The following CYP3A7 variants were observed in gnomAD, a reference collection of about 807,000 sequenced individuals.
The protein encoded by CYP3A7 is cytochrome P450 family 3 subfamily A member 7, also known as cytochrome P450 3A7.
CYP3A7 carries 45 observed loss-of-function variants against 55.2 expected under a neutral mutation model. The observed-to-expected ratio is 0.82, with a 90% CI of 0.64 to 1.05. The LOEUF (loss-of-function observed/expected upper bound fraction) is 1.05, where lower values mean the gene tolerates loss of function less well. CYP3A7 is among the 50% of genes least tolerant of loss of function. The pLI, the probability that CYP3A7 is intolerant of heterozygous loss-of-function variation, is 0.00. For synonymous variants in CYP3A7, 180 were observed against 207.4 expected (o/e 0.87, Z 1.13); for missense variants, 548 against 605.3 (o/e 0.91, Z 0.99).
chr7:99,713,679 G>C, intron 8 of CYP3A7, 144 bp from the exon 9 acceptor site: 2 of 1,085,372 alleles, frequency 1.8e-6, no homozygotes, highest in Admixed American at 4.2e-5. Flanking sequence ...AGTCACCAGT[G>C]AAAAGGAATA....
Position 99,735,089 on chromosome 7 carries a change from T to C in CYP3A7, c.5A>G (p.Asp2Gly), listed in dbSNP as rs569247020. 6.2e-7 allele frequency: 1 copy of C among 1,614,036 alleles called. No homozygotes were observed. Among genetic ancestry groups the C allele is most frequent in the East Asian group, 2.2e-5 (1 of 44,850 alleles). ...TTCCACGGCCAAGTTTGGGATGAGA[T>C]CCATCACTACTTTCCTTCCTTATCT... M[D>G]LIPNLAVETW... is the part of the protein sequence containing the mutation. Residue 2 changes from aspartate (D) to glycine (G), a missense_variant, in exon 1 of 13, where the codon GAT becomes GGT. Transcript: ENST00000336374.
At chr7:99,721,306 T>G (rs1351298969) in intron 3 of CYP3A7, among the ~76,000 whole-genome samples, 2 of 152,036 alleles carry the variant, frequency 1.3e-5, no homozygotes, top group Non-Finnish European at 2.9e-5. Flanking sequence ...ATAGAAAGTT[T>G]AAAAAAAAGA....
Position 99,705,550 on chromosome 7 carries a change from G to T in CYP3A7, c.1462C>A (p.Pro488Thr), listed in dbSNP as rs762252052. The change falls in exon 13 of 13, where the codon CCC becomes ACC. Residue 488 changes from proline to threonine, a missense_variant. Physicochemically the swap from Pro to Thr is conservative, Grantham distance 38. Coordinates refer to ENST00000336374, the MANE Select transcript of CYP3A7 (RefSeq NM_000765.5). The stretch of plus-strand genomic sequence containing the variant: ...CTTGACTCAGCCTTTAGAACAATGG[G>T]TTTTTCTGTTAGAAGAAGTCCTCCA... ...RFGGLLLTEK[P>T]IVLKAESRDE... 2 of 1,613,500 alleles carry T rather than the reference G, an allele frequency of 1.2e-6. No individual in the cohort carries two copies. Among genetic ancestry groups the T allele is most frequent in the Admixed American group, 3.3e-5 (2 of 59,952 alleles).
intron 4 of CYP3A7, among the ~76,000 whole-genome samples, chr7:99,718,386 G>A (rs1193912780): frequency 6.6e-6 from 1 of 152,134 alleles, no homozygotes; most frequent in East Asian, 1.9e-4. Context: ...AGAAGAAAGA[G>A]ATAATTATTT....
At chr7:99,728,507 C>T (rs937528561) in intron 2 of CYP3A7, among the ~76,000 whole-genome samples, 4 of 152,198 alleles carry the variant, frequency 2.6e-5, no homozygotes, top group African/African-American at 9.7e-5. Flanking sequence ...GGGTGCAAGA[C>T]ACCTCTTTTG....
At chr7:99,724,337 A>G (rs189634979) in intron 2 of CYP3A7, among the ~76,000 whole-genome samples, 241 of 152,254 alleles carry the variant, frequency 1.6e-3, no homozygotes, top group African/African-American at 5.4e-3. Context: ...TGATTTCTCG[A>G]TCTTATAAGA....
chr7:99,733,055 G>T (rs1162440994), intron 1 of CYP3A7, among the ~76,000 whole-genome samples: 1 of 152,216 alleles, frequency 6.6e-6, no homozygotes, highest in Non-Finnish European at 1.5e-5. Context: ...GAACCCAGCA[G>T]AGACAGCATA....
intron 2 of CYP3A7, among the ~76,000 whole-genome samples, chr7:99,727,356 T>C (rs1814452511): frequency 6.6e-6 from 1 of 152,194 alleles, no homozygotes; most frequent in African/African-American, 2.4e-5. Flanking sequence ...ACTCACTCCA[T>C]ACAGTTCTCA....
chr7:99,714,760 C>T (rs1813876524), intron 7 of CYP3A7, 78 bp from the exon 8 acceptor site: 2 of 1,577,976 alleles, frequency 1.3e-6, no homozygotes, highest in African/African-American at 1.4e-5. Context: ...CTAATTTTCT[C>T]TACCAATCAG....
chr7:99,732,915 C>T (rs1355210298), intron 1 of CYP3A7, among the ~76,000 whole-genome samples: 1 of 152,172 alleles, frequency 6.6e-6, no homozygotes, highest in East Asian at 1.9e-4. Context: ...TGAATTAAGA[C>T]CTTGTTTTCT....
chr7:99,722,622 G>T (rs191671806), intron 2 of CYP3A7, among the ~76,000 whole-genome samples: 1 of 152,222 alleles, frequency 6.6e-6, no homozygotes, highest in African/African-American at 2.4e-5. Flanking sequence ...TCTTTCTGAT[G>T]TCTCTTTGCT....
chr7:99,705,364 G>T lies in CYP3A7; in HGVS notation c.*136C>A. 9.9e-7 allele frequency: 1 copy of T among 1,008,338 alleles called. No individual in the cohort carries two copies. Among genetic ancestry groups the T allele is most frequent in the Non-Finnish European group, 1.5e-6 (1 of 663,450 alleles). The allele number at this position is 1,008,338 out of a possible 1,614,324, so 62.5% of individuals were successfully genotyped here. A position where few individuals can be genotyped will look rare whatever the true frequency, so the allele number is the denominator to read the frequency against. ...CATGAGAGAGCACAATGCACGTACAGAATCCCTGATTATTTATGCAGCACA... is the reference window on the plus strand; with the variant it reads ...CATGAGAGAGCACAATGCACGTACATAATCCCTGATTATTTATGCAGCACA... On this transcript the variant is annotated 3_prime_UTR_variant, in exon 13 of 13. Transcript: ENST00000336374.
At chr7:99,719,919 C>A (rs375745138) in intron 4 of CYP3A7, among the ~76,000 whole-genome samples, 9 of 152,136 alleles carry the variant, frequency 5.9e-5, no homozygotes, top group Non-Finnish European at 1.3e-4. Flanking sequence ...ATCACTTGAA[C>A]CCTGGAGGTG....
At chr7:99,706,005 A>T (rs1813508070) in intron 12 of CYP3A7, among the ~76,000 whole-genome samples, 1 of 152,208 alleles carries the variant, frequency 6.6e-6, no homozygotes, top group Non-Finnish European at 1.5e-5. Flanking sequence ...GGTAATCCTG[A>T]GTAGCTATTG....
intron 2 of CYP3A7, among the ~76,000 whole-genome samples, chr7:99,723,217 T>C (rs1258424732): frequency 1.3e-5 from 2 of 152,100 alleles, no homozygotes; most frequent in Non-Finnish European, 2.9e-5. Flanking sequence ...AAACTACAAA[T>C]AGGTGAAACA....
At chr7:99,734,918 G>A in intron 1 of CYP3A7, 105 bp downstream of exon 1, 2 of 1,562,104 alleles carry the variant, frequency 1.3e-6, no homozygotes, top group Non-Finnish European at 1.8e-6. Context: ...ACCACGGCCA[G>A]CCTGAACATC....
intron 2 of CYP3A7, among the ~76,000 whole-genome samples, chr7:99,728,935 A>G (rs758297191): frequency 2.0e-5 from 3 of 152,196 alleles, no homozygotes; most frequent in Non-Finnish European, 1.5e-5. Flanking sequence ...TCGTCCTCCA[A>G]CATCGCTGAG....
At position 99,705,371 on chromosome 7, in the gene CYP3A7, T is replaced by C. The variant is rs10211; in HGVS notation, c.*129A>G. On this transcript the variant is annotated 3_prime_UTR_variant, in exon 13 of 13. Coordinates refer to ENST00000336374, the MANE Select transcript of CYP3A7 (RefSeq NM_000765.5). The stretch of plus-strand genomic sequence containing the variant: ...GAGCACAATGCACGTACAGAATCCC[T>C]GATTATTTATGCAGCACATTGGATG... The C allele has an allele frequency of 0.15, 159,000 of 1,072,418 alleles. 21,885 individuals are homozygous for C. The highest frequency in any genetic ancestry group is 0.59 in the African/African-American group (37,947 of 64,102). 66.4% of individuals were successfully genotyped at this position (1,072,418 alleles called of 1,614,324 possible).
At chr7:99,709,906 C>T (rs763080396) in intron 10 of CYP3A7, among the ~76,000 whole-genome samples, 7 of 151,802 alleles carry the variant, frequency 4.6e-5, no homozygotes, top group Non-Finnish European at 1.0e-4. Context: ...AAAACTAGTC[C>T]CTTTCTATCC....
Sources: allele counts gnomAD v4.1 joint callset (sites outside exome capture counted in the v4.1 genomes callset), GRCh38; gene constraint gnomAD v4.1.1; transcripts MANE v1.5; gene names NCBI Gene and HGNC (gene_info 2026-07-23, HGNC 2026-07-21).